Variants in TBC1D5 observed in about 807,000 individuals in gnomAD.
TBC1D5 encodes the protein TBC1 domain family member 5.
In TBC1D5, 75 loss-of-function variants were observed where a neutral mutation model predicts 100.3. That is an observed-to-expected ratio of 0.75 (90% confidence interval 0.62 to 0.91). The LOEUF is 0.91. Ranked by LOEUF, TBC1D5 falls within the 40% of genes least tolerant of loss-of-function variation. The pLI, the probability that TBC1D5 is intolerant of heterozygous loss-of-function variation, is 0.00. For synonymous variants in TBC1D5, 323 were observed against 325.6 expected (o/e 0.99, Z 0.09); for missense variants, 910 against 942.4 (o/e 0.97, Z 0.45).
At chr3:17,472,249 C>T (rs563686007) in intron 3 of TBC1D5, among the ~76,000 whole-genome samples, 21 of 151,918 alleles carry the variant, frequency 1.4e-4, no homozygotes, top group African/African-American at 4.8e-4. Flanking sequence ...AGTGATTCTC[C>T]TGCCTCAGCC....
chr3:17,602,739 A>AT (rs891402642), intron 2 of TBC1D5, among the ~76,000 whole-genome samples: 33 of 151,102 alleles, frequency 2.2e-4, no homozygotes, highest in Non-Finnish European at 4.0e-4. Flanking sequence ...CACCCAGCTA[A>AT]TTTTTTTGTA....
At chr3:17,396,781 A>G (rs901520583) in intron 8 of TBC1D5, among the ~76,000 whole-genome samples, 2 of 152,154 alleles carry the variant, frequency 1.3e-5, no homozygotes. Context: ...AAATAAAAGT[A>G]AATGTTTCAC....
At chr3:17,689,346 T>C (rs2070757663) in intron 1 of TBC1D5, among the ~76,000 whole-genome samples, 1 of 151,856 alleles carries the variant, frequency 6.6e-6, no homozygotes. Flanking sequence ...TTGAGATCAG[T>C]GGACAACATG....
intron 1 of TBC1D5, among the ~76,000 whole-genome samples, chr3:17,688,949 C>T (rs1017435581): frequency 2.6e-5 from 4 of 152,028 alleles, no homozygotes; most frequent in Admixed American, 6.6e-5. Flanking sequence ...CTTGAATTGT[C>T]CCGAATTTTC....
intron 16 of TBC1D5, among the ~76,000 whole-genome samples, chr3:17,256,520 A>G (rs1373474920): frequency 6.6e-6 from 1 of 151,318 alleles, no homozygotes; most frequent in Non-Finnish European, 1.5e-5. Context: ...AGAAAAATGC[A>G]GGGAGAGAAG....
At chr3:17,715,908 C>T (rs1187629818) in intron 1 of TBC1D5, among the ~76,000 whole-genome samples, 1 of 151,952 alleles carries the variant, frequency 6.6e-6, no homozygotes, top group Non-Finnish European at 1.5e-5. Flanking sequence ...AATATTTAGC[C>T]AGATGTGGTG....
intron 3 of TBC1D5, among the ~76,000 whole-genome samples, chr3:17,492,623 A>T (rs892616658): frequency 6.6e-6 from 1 of 152,018 alleles, no homozygotes; most frequent in Non-Finnish European, 1.5e-5. Flanking sequence ...TTTAGTAGAG[A>T]CAGGGTTTTA....
chr3:17,471,807 T>G (rs1046623333), intron 3 of TBC1D5, among the ~76,000 whole-genome samples: 1 of 152,026 alleles, frequency 6.6e-6, no homozygotes, highest in Non-Finnish European at 1.5e-5. Flanking sequence ...GGAAAATGAT[T>G]TCCAAAAATT....
intron 3 of TBC1D5, among the ~76,000 whole-genome samples, chr3:17,459,149 A>T (rs2095151854): frequency 6.6e-6 from 1 of 152,220 alleles, no homozygotes; most frequent in South Asian, 2.1e-4. Flanking sequence ...AATATAAGTA[A>T]GATAAAGACT....
At chr3:17,291,940 A>G (rs2081794586) in exon 15 of TBC1D5, 3 of 1,613,994 alleles carry the variant, frequency 1.9e-6, no homozygotes, top group Non-Finnish European at 2.5e-6. Context: ...GTGAGTGTAC[A>G]TCCCCGATGA....
chr3:17,309,806 C>CA (rs1256519594), intron 13 of TBC1D5, among the ~76,000 whole-genome samples: 1 of 151,944 alleles, frequency 6.6e-6, no homozygotes, highest in Non-Finnish European at 1.5e-5. Context: ...ATGGGCACAG[C>CA]AAAAAAGTAC....
intron 19 of TBC1D5, among the ~76,000 whole-genome samples, chr3:17,170,614 A>G (rs2067081481): frequency 6.6e-6 from 1 of 152,134 alleles, no homozygotes; most frequent in East Asian, 1.9e-4. Context: ...GCCCATGGCC[A>G]GGAGGAACAA....
intron 13 of TBC1D5, among the ~76,000 whole-genome samples, chr3:17,315,719 C>A (rs1383993610): frequency 6.6e-6 from 1 of 152,030 alleles, no homozygotes; most frequent in African/African-American, 2.4e-5. Flanking sequence ...AAATGAAGAC[C>A]CCCCAAATGA....
intron 14 of TBC1D5, among the ~76,000 whole-genome samples, chr3:17,293,124 C>T (rs781339759): frequency 6.6e-6 from 1 of 152,160 alleles, no homozygotes; most frequent in South Asian, 2.1e-4. Context: ...GCTATGACAG[C>T]TTGTAATTTC....
chr3:17,497,145 G>A (rs1415034075), intron 3 of TBC1D5, among the ~76,000 whole-genome samples: 1 of 144,276 alleles, frequency 6.9e-6, no homozygotes, highest in Non-Finnish European at 1.5e-5. Flanking sequence ...CACCATCCTT[G>A]TATATCTGCA....
intron 1 of TBC1D5, among the ~76,000 whole-genome samples, chr3:17,679,481 T>C (rs1028404499): frequency 2.0e-5 from 3 of 151,504 alleles, no homozygotes; most frequent in Non-Finnish European, 4.4e-5. Flanking sequence ...CCTTGTTAAT[T>C]GATAAAATTT....
chr3:17,346,551 T>C (rs557085572), intron 13 of TBC1D5, among the ~76,000 whole-genome samples: 3 of 152,286 alleles, frequency 2.0e-5, no homozygotes, highest in South Asian at 2.1e-4. Flanking sequence ...CAATTGATAA[T>C]GGTTTCCCAT....
chr3:17,481,609 T>C (rs1429155098), intron 3 of TBC1D5, among the ~76,000 whole-genome samples: 2 of 152,164 alleles, frequency 1.3e-5, no homozygotes, highest in East Asian at 1.9e-4. Context: ...TAAAACAAGA[T>C]AGGAAACACT....
At chr3:17,606,891 C>A (rs1192189557) in intron 2 of TBC1D5, among the ~76,000 whole-genome samples, 2 of 152,036 alleles carry the variant, frequency 1.3e-5, no homozygotes, top group African/African-American at 4.8e-5. Context: ...CAGAAAATCC[C>A]AGCTCAAGAT....
Sources: allele counts gnomAD v4.1 joint callset (sites outside exome capture counted in the v4.1 genomes callset), GRCh38; gene constraint gnomAD v4.1.1; transcripts MANE v1.5; gene names NCBI Gene and HGNC (gene_info 2026-07-23, HGNC 2026-07-21).